The following BAZ1A variants were observed in gnomAD, a reference collection of about 807,000 sequenced individuals.
BAZ1A encodes the protein bromodomain adjacent to zinc finger domain 1A, also known as bromodomain adjacent to zinc finger domain protein 1A.
BAZ1A carries 50 observed loss-of-function variants against 185.2 expected under a neutral mutation model. That is an observed-to-expected ratio of 0.27 (90% CI 0.22 to 0.34). The LOEUF is 0.34. BAZ1A is among the 10% of genes least tolerant of loss of function. The pLI is 1.00. For missense variants in BAZ1A, 1,356 were observed against 1,839.9 expected (o/e 0.74, Z 4.81); for synonymous variants, 571 against 615.6 (o/e 0.93, Z 1.07).
At chr14:34,779,472 T>A (rs1027525050) in intron 17 of BAZ1A, among the ~76,000 whole-genome samples, 1 of 151,820 alleles carries the variant, frequency 6.6e-6, no homozygotes, top group African/African-American at 2.4e-5. Context: ...GATGTTGAAA[T>A]CAATTGCATT....
chr14:34,836,731 A>C (rs2042337448), intron 3 of BAZ1A, among the ~76,000 whole-genome samples: 1 of 152,072 alleles, frequency 6.6e-6, no homozygotes, highest in Non-Finnish European at 1.5e-5. Context: ...TTAGAGTTAA[A>C]AAACAAAAAC....
intron 9 of BAZ1A, among the ~76,000 whole-genome samples, chr14:34,797,721 C>G (rs1400315290): frequency 6.6e-6 from 1 of 152,200 alleles, no homozygotes; most frequent in Non-Finnish European, 1.5e-5. Context: ...CCGGTCCAGT[C>G]TGCAGCTCCC....
chr14:34,766,102 C>G (rs1467668142), intron 21 of BAZ1A, among the ~76,000 whole-genome samples: 2 of 152,130 alleles, frequency 1.3e-5, no homozygotes, highest in African/African-American at 4.8e-5. Context: ...CTGGCTCCCC[C>G]ATATGAACTT....
intron 6 of BAZ1A, 68 bp downstream of exon 6, chr14:34,807,383 G>A: frequency 1.8e-6 from 2 of 1,137,736 alleles, no homozygotes; most frequent in East Asian, 2.6e-5. Context: ...TTTCAGCAAT[G>A]TTATAACTTT....
At chr14:34,818,665 C>T (rs949586807) in intron 4 of BAZ1A, among the ~76,000 whole-genome samples, 3 of 152,058 alleles carry the variant, frequency 2.0e-5, no homozygotes, top group Non-Finnish European at 2.9e-5. Context: ...AATTGCATGT[C>T]GTCCTGTCCC....
chr14:34,830,986 C>CT (rs2042234597), intron 3 of BAZ1A, among the ~76,000 whole-genome samples: 1 of 151,874 alleles, frequency 6.6e-6, no homozygotes, highest in African/African-American at 2.4e-5. Context: ...CTCTACAACT[C>CT]TTATGCAATC....
At chr14:34,844,195 G>A (rs2042465293) in intron 3 of BAZ1A, among the ~76,000 whole-genome samples, 1 of 126,474 alleles carries the variant, frequency 7.9e-6, no homozygotes, top group Non-Finnish European at 1.6e-5. Context: ...GACAGAGCGA[G>A]ACTCCGTCTC....
chr14:34,848,900 T>G (rs1375428914), intron 3 of BAZ1A, among the ~76,000 whole-genome samples: 2 of 152,156 alleles, frequency 1.3e-5, no homozygotes, highest in African/African-American at 4.8e-5. Context: ...AAGAGAGAAC[T>G]CACACCAGGC....
intron 6 of BAZ1A, among the ~76,000 whole-genome samples, chr14:34,803,381 A>G (rs918562115): frequency 8.4e-4 from 22 of 26,068 alleles, no homozygotes; most frequent in African/African-American, 2.1e-3. Flanking sequence ...CCATCTCAGG[A>G]AAAAAAAAAA....
intron 3 of BAZ1A, among the ~76,000 whole-genome samples, chr14:34,841,887 TACTTAA>T (rs2042420706): frequency 6.6e-6 from 1 of 152,196 alleles, no homozygotes; most frequent in Non-Finnish European, 1.5e-5. Context: ...TCAGAGAAGA[TACTTAA>T]GTGGCTGAAA....
In BAZ1A at chr14:34,773,501, A is replaced by G. The variant is rs1292036591; in HGVS notation, c.3152+71T>C. 47 of 1,295,792 alleles carry G rather than the reference A, an allele frequency of 3.6e-5. No individual in the cohort carries two copies. In the Admixed American group the frequency reaches 1.4e-3, roughly 38 times the overall value. 80.3% of individuals were successfully genotyped at this position (1,295,792 alleles called of 1,614,324 possible). Reference sequence around the variant, plus strand: ...GAAAAAGCAACATATTTACTTAAAAACCAAAAAAAAAAAAAAAACCTTAAA... The same window carrying G: ...GAAAAAGCAACATATTTACTTAAAAGCCAAAAAAAAAAAAAAAACCTTAAA... On this transcript the variant is annotated intron_variant, in intron 20 of 26. Coordinates refer to ENST00000360310, the MANE Select transcript of BAZ1A (RefSeq NM_013448.3).
chr14:34,839,563 G>A (rs2042380733), intron 3 of BAZ1A, among the ~76,000 whole-genome samples: 1 of 145,972 alleles, frequency 6.9e-6, no homozygotes, highest in African/African-American at 2.5e-5. Context: ...AAAAAAGTAG[G>A]CCAGGCGTGG....
chr14:34,773,267 G>T (rs1015940635), intron 20 of BAZ1A, among the ~76,000 whole-genome samples: 1 of 151,450 alleles, frequency 6.6e-6, no homozygotes, highest in African/African-American at 2.4e-5. Context: ...CTATAGAAAA[G>T]AAGAATAATA....
chr14:34,765,831 A>T (rs1878803961), intron 21 of BAZ1A, among the ~76,000 whole-genome samples: 1 of 152,230 alleles, frequency 6.6e-6, no homozygotes, highest in Non-Finnish European at 1.5e-5. Context: ...GGGCTAAAAA[A>T]TTTAATCATC....
At position 34,773,682 on chromosome 14, in the gene BAZ1A, C is replaced by G. The variant is rs761168921; in HGVS notation, c.3042G>C (p.Arg1014=). ...TGTTTTCCTCACTTAACAGCTCATA[C>G]CGTCCACTTTCTAATGCTGATCTCC... ...HIWRSALESG[R]YELLSEENKE... Residue 1014 remains arginine, a synonymous_variant, in exon 20 of 27, where the codon CGG becomes CGC. Transcript: ENST00000360310. 11 of 1,613,614 alleles carry G rather than the reference C, an allele frequency of 6.8e-6. No individual in the cohort carries two copies. In the South Asian group the frequency reaches 1.2e-4, roughly 18 times the overall value.
intron 4 of BAZ1A, among the ~76,000 whole-genome samples, chr14:34,821,506 G>C (rs2138703233): frequency 6.6e-6 from 1 of 152,260 alleles, no homozygotes; most frequent in East Asian, 1.9e-4. Context: ...ACTCAAATTA[G>C]AGAACTTTTA....
intron 4 of BAZ1A, among the ~76,000 whole-genome samples, chr14:34,824,457 A>G (rs552219412): frequency 6.9e-6 from 1 of 144,882 alleles, no homozygotes; most frequent in African/African-American, 2.5e-5. Context: ...CTTATACAGG[A>G]CCATGTCATG....
At chr14:34,870,283 A>G (rs1175377591) in intron 2 of BAZ1A, among the ~76,000 whole-genome samples, 1 of 152,174 alleles carries the variant, frequency 6.6e-6, no homozygotes, top group Non-Finnish European at 1.5e-5. Context: ...ACCATCCAGG[A>G]AAAAAGGACT....
chr14:34,760,598 CCAA>C, intron 24 of BAZ1A, among the ~76,000 whole-genome samples: 1 of 151,554 alleles, frequency 6.6e-6, no homozygotes, highest in East Asian at 1.9e-4. Context: ...ACCTGTAATC[CCAA>C]CATTTGGGAG....
Sources: allele counts gnomAD v4.1 joint callset (sites outside exome capture counted in the v4.1 genomes callset), GRCh38; gene constraint gnomAD v4.1.1; transcripts MANE v1.5; gene names NCBI Gene and HGNC (gene_info 2026-07-23, HGNC 2026-07-21).